SDK1: variants seen among roughly 807,000 people sequenced by gnomAD.
SDK1 encodes the protein sidekick cell adhesion molecule 1.
SDK1 carries 157 observed loss-of-function variants against 245.5 expected under a neutral mutation model. The observed-to-expected ratio is 0.64, with a 90% confidence interval of 0.56 to 0.73. The LOEUF is 0.73. Among genes scored for constraint, SDK1 ranks in the 30% least tolerant of loss-of-function variants. The probability of loss-of-function intolerance (pLI) is 0.00; values close to 1 mark genes in which losing one functional copy is unlikely to be tolerated. For missense variants in SDK1, 3,583 were observed against 3,002.3 expected (o/e 1.19, Z -4.52); for synonymous variants, 1,647 against 1,278.5 (o/e 1.29, Z -6.15).
At chr7:3,405,779 C>T (rs778917362) in intron 1 of SDK1, among the ~76,000 whole-genome samples, 102 of 148,408 alleles carry the variant, frequency 6.9e-4, no homozygotes, top group South Asian at 2.2e-3. Context: ...CAGTGTAGTT[C>T]TGTTGTGCTT....
intron 1 of SDK1, among the ~76,000 whole-genome samples, chr7:3,473,805 G>A (rs1442387385): frequency 6.6e-6 from 1 of 152,000 alleles, no homozygotes; most frequent in Non-Finnish European, 1.5e-5. Flanking sequence ...TGATGAACAT[G>A]AGCTGAAAAT....
intron 1 of SDK1, among the ~76,000 whole-genome samples, chr7:3,373,424 A>G (rs1339839624): frequency 1.3e-5 from 2 of 152,240 alleles, no homozygotes; most frequent in East Asian, 1.9e-4. Context: ...TATGGTCTCA[A>G]TAGATGTTAG....
intron 1 of SDK1, among the ~76,000 whole-genome samples, chr7:3,405,738 C>T (rs958407818): frequency 6.6e-6 from 1 of 151,652 alleles, no homozygotes; most frequent in Non-Finnish European, 1.5e-5. Context: ...GGACACTAGT[C>T]ATCTTGATTG....
intron 4 of SDK1, among the ~76,000 whole-genome samples, chr7:3,655,058 T>TTTTTTTTTTC (rs1554303408): frequency 6.6e-6 from 1 of 151,624 alleles, no homozygotes. Flanking sequence ...GCTTTTTTTT[T>TTTTTTTTTTC]TTTTGGCTCT....
Position 4,266,177 on chromosome 7 carries a change from G to A in SDK1, c.*793G>A, listed in dbSNP as rs1397681660. The A allele has an allele frequency of 1.7e-5, 17 of 985,362 alleles. No homozygotes were observed. In the Admixed American group the frequency reaches 2.5e-4, roughly 14 times the overall value. 61.0% of individuals were successfully genotyped at this position (985,362 alleles called of 1,614,324 possible). A position where few individuals can be genotyped will look rare whatever the true frequency, so the allele number is the denominator to read the frequency against. On this transcript the variant is annotated 3_prime_UTR_variant, in exon 45 of 45. Transcript: ENST00000404826. ...CCGAACACAGCACACGGTCAACTCC[G>A]CGGGACACGAGGACACGGGACGGCG...
chr7:3,424,676 C>T (rs558986513), intron 1 of SDK1, among the ~76,000 whole-genome samples: 88 of 152,076 alleles, frequency 5.8e-4, no homozygotes, highest in Non-Finnish European at 9.7e-4. Flanking sequence ...GTAGGAGGAT[C>T]GCTTGAGGCC....
At chr7:3,969,188 C>T in intron 10 of SDK1, 69 bp from the exon 11 acceptor site, 3 of 1,395,284 alleles carry the variant, frequency 2.2e-6, no homozygotes, top group Non-Finnish European at 2.9e-6. Context: ...GCTTATGGCT[C>T]TAACCACTAT....
chr7:3,974,346 A>G, intron 12 of SDK1, 23 bp from the exon 13 acceptor site: 1 of 1,602,940 alleles, frequency 6.2e-7, no homozygotes, highest in South Asian at 1.1e-5. Context: ...TTTGTAACTC[A>G]AGACCCTTTG....
intron 1 of SDK1, among the ~76,000 whole-genome samples, chr7:3,377,917 T>G (rs982139032): frequency 1.3e-5 from 2 of 152,094 alleles, no homozygotes; most frequent in African/African-American, 2.4e-5. Flanking sequence ...TAGCTGGGAT[T>G]ACAGGTGCAC....
intron 35 of SDK1, among the ~76,000 whole-genome samples, chr7:4,200,141 C>A (rs933930466): frequency 1.3e-5 from 2 of 152,128 alleles, no homozygotes; most frequent in Non-Finnish European, 2.9e-5. Context: ...ATTTCCTCTG[C>A]GTACCTGTAG....
intron 1 of SDK1, among the ~76,000 whole-genome samples, chr7:3,470,184 T>A (rs1028664264): frequency 2.0e-5 from 3 of 152,144 alleles, no homozygotes; most frequent in African/African-American, 4.8e-5. Context: ...ATTTCCAAGA[T>A]CCATATGCCA....
At position 4,150,282 on chromosome 7, in the gene SDK1, G is replaced by A. The variant is rs141642782; in HGVS notation, c.4625+819G>A. 2.6e-5 allele frequency among the ~76,000 whole-genome samples: 4 copies of A among 152,272 alleles called. No individual in the cohort carries two copies. In the East Asian group the frequency reaches 5.8e-4, roughly 22 times the overall value. ...GGACACCCGCCTTGTGCTTCTCATT[G>A]GCCCAGAGTTTGGTCACTTGTTACT... On this transcript the variant is annotated intron_variant, in intron 30 of 44. Coordinates refer to ENST00000404826, the MANE Select transcript of SDK1 (RefSeq NM_152744.4).
chr7:3,353,491 G>C (rs1251200030), intron 1 of SDK1, among the ~76,000 whole-genome samples: 1 of 152,118 alleles, frequency 6.6e-6, no homozygotes, highest in African/African-American at 2.4e-5. Flanking sequence ...GGAATTATTA[G>C]AATAGCATAT....
chr7:4,172,111 T>C (rs547418285), intron 32 of SDK1, among the ~76,000 whole-genome samples: 2 of 152,312 alleles, frequency 1.3e-5, no homozygotes, highest in South Asian at 4.1e-4. Context: ...TTGTTCCCGT[T>C]ATGCTTTTCC....
chr7:3,439,217 A>G (rs986597684), intron 1 of SDK1, among the ~76,000 whole-genome samples: 2 of 152,166 alleles, frequency 1.3e-5, no homozygotes, highest in Admixed American at 6.5e-5. Context: ...GGTGGTGGTT[A>G]GACACAATAT....
rs1236989160 is a variant in SDK1 at position 4,100,367 on chromosome 7, G to C, written c.3325-10296G>C. Among the ~76,000 whole-genome samples the C allele has an allele frequency of 1.3e-5, 2 of 152,162 alleles. 1 individual carries two copies. The highest frequency in any genetic ancestry group is 2.9e-5 in the Non-Finnish European group (2 of 68,042). ...TCAGGGCATGGGGTTGAGCGGGAAG[G>C]CTGTTTCGGGGGACACACTTGGGAG... On this transcript the variant is annotated intron_variant, in intron 22 of 44. Transcript: ENST00000404826.
At chr7:4,213,061 A>G (rs895773811) in intron 38 of SDK1, among the ~76,000 whole-genome samples, 1 of 152,204 alleles carries the variant, frequency 6.6e-6, no homozygotes, top group Non-Finnish European at 1.5e-5. Context: ...TGGGCGGATC[A>G]CAAGGTCAAG....
At chr7:3,639,437 T>C (rs910153795) in intron 3 of SDK1, among the ~76,000 whole-genome samples, 2 of 152,204 alleles carry the variant, frequency 1.3e-5, no homozygotes, top group Non-Finnish European at 1.5e-5. Flanking sequence ...TCAAAATGTT[T>C]TTAAAGTATA....
At chr7:3,480,781 G>C (rs186759410) in intron 1 of SDK1, among the ~76,000 whole-genome samples, 1 of 152,198 alleles carries the variant, frequency 6.6e-6, no homozygotes, top group African/African-American at 2.4e-5. Flanking sequence ...AGGATGCAGG[G>C]AGCCTCTAGA....
Sources: allele counts gnomAD v4.1 joint callset (sites outside exome capture counted in the v4.1 genomes callset), GRCh38; gene constraint gnomAD v4.1.1; transcripts MANE v1.5; gene names NCBI Gene and HGNC (gene_info 2026-07-23, HGNC 2026-07-21).